Variants in FCER1A observed in about 807,000 individuals in gnomAD.
The protein encoded by FCER1A is high affinity immunoglobulin epsilon receptor subunit alpha.
A neutral mutation model predicts 23.6 loss-of-function variants in FCER1A; 24 were observed. The ratio of observed to expected loss-of-function variants is 1.02; its 90% confidence interval spans 0.74 to 1.43. The LOEUF (loss-of-function observed/expected upper bound fraction) is 1.43, where lower values mean the gene tolerates loss of function less well. FCER1A is among the 40% of genes most tolerant of loss of function. The probability of loss-of-function intolerance (pLI) is 0.00; values close to 1 mark genes in which losing one functional copy is unlikely to be tolerated. For synonymous variants in FCER1A, 121 were observed against 108.8 expected (o/e 1.11, Z -0.70); for missense variants, 318 against 294.5 (o/e 1.08, Z -0.58).
In FCER1A at chr1:159,306,178, C is replaced by G; in HGVS notation, c.522C>G (p.Tyr174Ter). 3 of 1,614,134 alleles carry G rather than the reference C, an allele frequency of 1.9e-6. No homozygotes were observed. Among genetic ancestry groups the G allele is most frequent in the Non-Finnish European group, 2.5e-6 (3 of 1,179,978 alleles). The part of the protein sequence containing the change: ...TNATVEDSGT[Y>*]YCTGKVWQLD... ...CCACAGTTGAAGACAGTGGAACCTACTACTGTACGGGCAAAGTGTGGCAGC... is the reference window on the plus strand; with the variant it reads ...CCACAGTTGAAGACAGTGGAACCTAGTACTGTACGGGCAAAGTGTGGCAGC... Residue 174 changes from tyrosine to a stop codon, truncating the protein, a stop_gained, in exon 4 of 5, where the codon TAC (tyrosine) becomes TAG (stop). Transcript: ENST00000693622. LOFTEE classifies it high-confidence loss of function.
chr1:159,287,518 A>G (rs896667187), upstream of FCER1A, among the ~76,000 whole-genome samples: 27 of 152,070 alleles, frequency 1.8e-4, no homozygotes, highest in Non-Finnish European at 5.9e-5. Flanking sequence ...CTAAGTACAG[A>G]TGCAAAGACA....
chr1:159,287,461 A>C (rs1238696876), upstream of FCER1A, among the ~76,000 whole-genome samples: 1 of 152,094 alleles, frequency 6.6e-6, no homozygotes, highest in Non-Finnish European at 1.5e-5. Flanking sequence ...TGTGATACTA[A>C]TTACCATAGA....
chr1:159,289,024 C>T (rs1652083846), upstream of FCER1A, among the ~76,000 whole-genome samples: 1 of 152,202 alleles, frequency 6.6e-6, no homozygotes, highest in Non-Finnish European at 1.5e-5. Context: ...GATAAAAACT[C>T]ATTAGGAAAC....
chr1:159,307,978 T>C lies in FCER1A; in HGVS notation c.*46T>C. ...TTGCAACATTAGTTTTTTTCCAGCATCAGCAATTGCTACTCAATTGTCAAA... is the reference window on the plus strand; with the variant it reads ...TTGCAACATTAGTTTTTTTCCAGCACCAGCAATTGCTACTCAATTGTCAAA... On this transcript the variant is annotated 3_prime_UTR_variant, in exon 5 of 5. Coordinates refer to ENST00000693622, the MANE Select transcript of FCER1A (RefSeq NM_001387280.1). 2 of 1,414,118 alleles carry C rather than the reference T, an allele frequency of 1.4e-6. No homozygotes were observed. Among genetic ancestry groups the C allele is most frequent in the Non-Finnish European group, 2.0e-6 (2 of 1,020,238 alleles). 87.6% of individuals were successfully genotyped at this position (1,414,118 alleles called of 1,614,324 possible). A position where few individuals can be genotyped will look rare whatever the true frequency, so the allele number is the denominator to read the frequency against.
intron 1 of FCER1A, among the ~76,000 whole-genome samples, chr1:159,294,330 C>A (rs572419277): frequency 6.6e-6 from 1 of 152,158 alleles, no homozygotes; most frequent in African/African-American, 2.4e-5. Flanking sequence ...TTAATTTCTA[C>A]AATTCTCCAA....
intron 1 of FCER1A, among the ~76,000 whole-genome samples, 200 bp downstream of exon 1, chr1:159,302,619 T>C (rs1652469612): frequency 6.6e-6 from 1 of 152,172 alleles, no homozygotes; most frequent in African/African-American, 2.4e-5. Context: ...GAAGCCAGAC[T>C]GAAAGCTTGG....
the FCER1A span, among the ~76,000 whole-genome samples, chr1:159,284,235 T>C: frequency 9.2e-5 from 14 of 152,122 alleles, no homozygotes; most frequent in African/African-American, 3.4e-4. Flanking sequence ...CTGACATACA[T>C]CTCAGCCCTA....
chr1:159,300,723 A>G (rs1490940412), upstream of FCER1A, among the ~76,000 whole-genome samples: 1 of 152,216 alleles, frequency 6.6e-6, no homozygotes, highest in Non-Finnish European at 1.5e-5. Context: ...AATAAAGAAG[A>G]CAAAAAATGT....
intron 4 of FCER1A, among the ~76,000 whole-genome samples, chr1:159,307,463 G>A (rs1213695035): frequency 1.3e-5 from 2 of 152,084 alleles, no homozygotes; most frequent in African/African-American, 2.4e-5. Context: ...TTGTCATTTC[G>A]AATAAGGGGT....
intron 3 of FCER1A, among the ~76,000 whole-genome samples, chr1:159,305,082 C>T (rs1652558092): frequency 6.6e-6 from 1 of 152,082 alleles, no homozygotes; most frequent in Admixed American, 6.5e-5. Flanking sequence ...TGAATAGTGA[C>T]CAATAGGTCT....
At position 159,306,103 on chromosome 1, in the gene FCER1A, T is replaced by C. The variant is rs533583312; in HGVS notation, c.447T>C (p.Gly149=). The change falls in exon 4 of 5, where the codon GGT becomes GGC. Residue 149 remains glycine, a synonymous_variant. Coordinates refer to ENST00000693622, the MANE Select transcript of FCER1A (RefSeq NM_001387280.1). ...DVYKVIYYKD[G]EALKYWYENH... ...ACAAGGTGATCTATTATAAGGATGG[T>C]GAAGCTCTCAAGTACTGGTATGAGA... 2 of 1,614,154 alleles carry C rather than the reference T, an allele frequency of 1.2e-6. No homozygotes were observed. The highest frequency in any genetic ancestry group is 2.2e-5 in the South Asian group (2 of 91,086).
chr1:159,296,223 C>G (rs1421562056), intron 1 of FCER1A, among the ~76,000 whole-genome samples: 2 of 152,010 alleles, frequency 1.3e-5, no homozygotes, highest in Admixed American at 1.3e-4. Flanking sequence ...TTTAAGGAAG[C>G]CCCCTTAAAC....
intron 1 of FCER1A, among the ~76,000 whole-genome samples, chr1:159,294,571 T>C (rs1427829466): frequency 6.6e-6 from 1 of 152,224 alleles, no homozygotes; most frequent in South Asian, 2.1e-4. Context: ...TGTTTACTTA[T>C]TTATTTTCTG....
At chr1:159,292,021 T>C (rs1002795475) in intron 1 of FCER1A, among the ~76,000 whole-genome samples, 1 of 152,154 alleles carries the variant, frequency 6.6e-6, no homozygotes, top group East Asian at 1.9e-4. Flanking sequence ...TCTTACCTTA[T>C]CAGCTGTTTT....
chr1:159,294,621 C>A (rs1025940495), intron 1 of FCER1A, among the ~76,000 whole-genome samples: 2 of 152,130 alleles, frequency 1.3e-5, no homozygotes, highest in African/African-American at 2.4e-5. Context: ...GGGAAAAGAT[C>A]TTGTCTGCTT....
upstream of FCER1A, among the ~76,000 whole-genome samples, chr1:159,285,212 AT>A (rs1410543117): frequency 6.6e-6 from 1 of 152,180 alleles, no homozygotes; most frequent in Non-Finnish European, 1.5e-5. Flanking sequence ...TTCCCACTGT[AT>A]TGGAAAAAAT....
intron 1 of FCER1A, among the ~76,000 whole-genome samples, chr1:159,295,646 A>G (rs776058964): frequency 6.6e-5 from 10 of 152,184 alleles, no homozygotes; most frequent in South Asian, 2.1e-4. Context: ...TTGAACCTCT[A>G]TGATAATCTG....
intron 1 of FCER1A, among the ~76,000 whole-genome samples, chr1:159,290,135 T>A (rs1652110012): frequency 6.6e-6 from 1 of 152,114 alleles, no homozygotes; most frequent in Non-Finnish European, 1.5e-5. Context: ...CCTATTAACT[T>A]ATGGTTCAAT....
chr1:159,307,367 T>C (rs1652646338), intron 4 of FCER1A, among the ~76,000 whole-genome samples: 1 of 152,194 alleles, frequency 6.6e-6, no homozygotes, highest in Non-Finnish European at 1.5e-5. Context: ...ATGTAAGAAA[T>C]GATGATTGAT....
Sources: allele counts gnomAD v4.1 joint callset (sites outside exome capture counted in the v4.1 genomes callset), GRCh38; gene constraint gnomAD v4.1.1; transcripts MANE v1.5; gene names NCBI Gene and HGNC (gene_info 2026-07-23, HGNC 2026-07-21).